Variants in SIL1 observed in about 807,000 individuals in gnomAD.
SIL1 encodes nucleotide exchange factor SIL1.
Under a neutral mutation model 49.1 loss-of-function variants are expected in SIL1, and 40 were observed. The observed-to-expected ratio is 0.81, with a 90% CI of 0.63 to 1.06. SIL1 has a LOEUF of 1.06. Ranked by LOEUF, SIL1 falls within the 50% of genes least tolerant of loss-of-function variation. The probability of loss-of-function intolerance (pLI) is 0.00; values close to 1 mark genes in which losing one functional copy is unlikely to be tolerated. For missense variants in SIL1, 500 were observed against 572.6 expected (o/e 0.87, Z 1.29); for synonymous variants, 253 against 250.8 (o/e 1.01, Z -0.08).
chr5:139,173,071 C>T lies in SIL1; in HGVS notation c.-11+25198G>A, dbSNP rs575694557. On this transcript the variant is annotated intron_variant, in intron 1 of 9. Coordinates refer to ENST00000394817, the MANE Select transcript of SIL1 (RefSeq NM_022464.5). ...ATAGGTTATGTTTTTAGACACACAA[C>T]GTGTAAGATGCAATATCATGACATC... Among the ~76,000 whole-genome samples the T allele has an allele frequency of 5.3e-5, 8 of 152,096 alleles. No individual in the cohort carries two copies. In the East Asian group the frequency reaches 1.5e-3, roughly 29 times the overall value.
chr5:139,041,468 G>A (rs1448493799), intron 5 of SIL1, among the ~76,000 whole-genome samples: 1 of 152,150 alleles, frequency 6.6e-6, no homozygotes, highest in Non-Finnish European at 1.5e-5. Flanking sequence ...TGTCTCTCTA[G>A]GACATTACCT....
At chr5:139,169,531 G>C (rs551709968) in intron 1 of SIL1, among the ~76,000 whole-genome samples, 1 of 150,680 alleles carries the variant, frequency 6.6e-6, no homozygotes, top group Non-Finnish European at 1.5e-5. Context: ...GGCTGGACTG[G>C]AGTGCAATGG....
chr5:139,058,921 G>C (rs1418665688), intron 3 of SIL1, among the ~76,000 whole-genome samples: 2 of 151,640 alleles, frequency 1.3e-5, no homozygotes, highest in Non-Finnish European at 2.9e-5. Flanking sequence ...ATTAATACTA[G>C]GGTGTTGGTA....
In SIL1 at chr5:139,120,728, G is replaced by A. The variant is rs551172962; in HGVS notation, c.244+307C>T. ...GCCCAAAATAGCATTTGCAGAGCAA[G>A]GCACATGTCACTGCCTCTCTGGTGC... On this transcript the variant is annotated intron_variant, in intron 3 of 9. Coordinates refer to ENST00000394817, the MANE Select transcript of SIL1 (RefSeq NM_022464.5). Among the ~76,000 whole-genome samples, 59 of 152,358 alleles carry A rather than the reference G, an allele frequency of 3.9e-4. 2 individuals are homozygous for A. The South Asian group carries it at 0.011, about 29-fold the overall frequency.
chr5:139,056,971 T>C (rs1365888609), intron 3 of SIL1, among the ~76,000 whole-genome samples: 1 of 152,148 alleles, frequency 6.6e-6, no homozygotes, highest in Non-Finnish European at 1.5e-5. Context: ...TGTTCTGTAC[T>C]AAGAAAAATT....
At position 139,137,446 on chromosome 5, in the gene SIL1, C is replaced by T. The variant is rs1012466759; in HGVS notation, c.-10-9593G>A. ...CTCGAGGGGTCTGTGAAATCAGCCA[C>T]AGAAACTGGACTCATCATTTTATTT... On this transcript the variant is annotated intron_variant, in intron 1 of 9. Coordinates refer to ENST00000394817, the MANE Select transcript of SIL1 (RefSeq NM_022464.5). 5 of 655,770 alleles carry T rather than the reference C, an allele frequency of 7.6e-6. No homozygotes were observed. In the African/African-American group the frequency reaches 8.9e-5, roughly 12 times the overall value. The allele number at this position is 655,770 out of a possible 1,614,324, so 40.6% of individuals were successfully genotyped here.
chr5:139,096,399 G>A (rs185596082), intron 3 of SIL1, among the ~76,000 whole-genome samples: 10 of 152,192 alleles, frequency 6.6e-5, no homozygotes, highest in African/African-American at 2.4e-4. Context: ...TCCAAATGCT[G>A]AACTGGAACC....
At chr5:139,145,752 C>T (rs1751184033) in intron 1 of SIL1, among the ~76,000 whole-genome samples, 1 of 149,366 alleles carries the variant, frequency 6.7e-6, no homozygotes, top group Non-Finnish European at 1.5e-5. Context: ...ATGAATGAAA[C>T]CTTAAAACAC....
intron 7 of SIL1, among the ~76,000 whole-genome samples, chr5:138,979,072 T>A (rs1002673660): frequency 6.7e-6 from 1 of 148,568 alleles, no homozygotes; most frequent in African/African-American, 2.6e-5. Context: ...TAATTTTATT[T>A]TATTTTTTTT....
At position 139,176,927 on chromosome 5, in the gene SIL1, CTTTTTTT is replaced by C. The variant is rs70982757; in HGVS notation, c.-11+21335_-11+21341del. Among the ~76,000 whole-genome samples the C allele has an allele frequency of 2.3e-4, 22 of 95,812 alleles. No homozygotes were observed. The East Asian group carries it at 5.4e-3, about 23-fold the overall frequency. 62.9% of individuals were successfully genotyped at this position (95,812 alleles called of 152,430 possible). A position where few individuals can be genotyped will look rare whatever the true frequency, so the allele number is the denominator to read the frequency against. Reference sequence around the variant, plus strand: ...GCTTCCAAGTGGAGAAGCTGAGATTCTTTTTTTTTTTTTTTTTTTTTTTGAGACAGAG... The same window carrying C: ...GCTTCCAAGTGGAGAAGCTGAGATTCTTTTTTTTTTTTTTTTGAGACAGAG... On this transcript the variant is annotated intron_variant, in intron 1 of 9. Transcript: ENST00000394817.
At chr5:139,138,096 A>T in intron 1 of SIL1, among the ~76,000 whole-genome samples, 1 of 151,598 alleles carries the variant, frequency 6.6e-6, no homozygotes, top group Non-Finnish European at 1.5e-5. Context: ...AAGCAAAAGC[A>T]TCCCTGCTCC....
intron 3 of SIL1, among the ~76,000 whole-genome samples, chr5:139,054,954 T>C (rs1456290213): frequency 6.6e-6 from 1 of 152,208 alleles, no homozygotes; most frequent in African/African-American, 2.4e-5. Context: ...GATAGTATAA[T>C]CTGACCTGTA....
At chr5:139,194,708 C>T (rs1429528368) in intron 1 of SIL1, among the ~76,000 whole-genome samples, 1 of 152,152 alleles carries the variant, frequency 6.6e-6, no homozygotes, top group African/African-American at 2.4e-5. Context: ...GGAATAGCGA[C>T]TAAGGGACTA....
chr5:139,057,796 G>A (rs1769488582), intron 3 of SIL1, among the ~76,000 whole-genome samples: 1 of 152,178 alleles, frequency 6.6e-6, no homozygotes, highest in Non-Finnish European at 1.5e-5. Flanking sequence ...CACAATTCTG[G>A]AGACTGGGAA....
chr5:139,164,344 G>A lies in SIL1; in HGVS notation c.-11+33925C>T, dbSNP rs1030864024. 2.6e-5 allele frequency among the ~76,000 whole-genome samples: 4 copies of A among 151,878 alleles called. No individual in the cohort carries two copies. In the South Asian group the frequency reaches 6.2e-4, roughly 24 times the overall value. ...GGAAGAGAAAAAACAGTTCTTTCTG[G>A]TTACTACTCAAAGCTTCTGCCCATT... On this transcript the variant is annotated intron_variant, in intron 1 of 9. Transcript: ENST00000394817.
At chr5:139,116,419 G>A (rs1770990722) in intron 3 of SIL1, among the ~76,000 whole-genome samples, 1 of 152,104 alleles carries the variant, frequency 6.6e-6, no homozygotes, top group Non-Finnish European at 1.5e-5. Context: ...GACTCTCACA[G>A]CCGCCTGGAG....
chr5:139,105,662 G>T (rs1770688136), intron 3 of SIL1, among the ~76,000 whole-genome samples: 1 of 152,210 alleles, frequency 6.6e-6, no homozygotes, highest in South Asian at 2.1e-4. Context: ...TTCCCTCCCG[G>T]CGGCCTGCTC....
intron 6 of SIL1, chr5:139,021,810 T>G (rs1393084962): frequency 9.9e-6 from 2 of 202,366 alleles, no homozygotes; most frequent in Non-Finnish European, 2.0e-5. Context: ...ATAACAATAG[T>G]ACCTTTCTCT....
chr5:139,182,837 G>A (rs1281073510), intron 1 of SIL1, among the ~76,000 whole-genome samples: 1 of 152,174 alleles, frequency 6.6e-6, no homozygotes, highest in East Asian at 1.9e-4. Flanking sequence ...CTGTTACATG[G>A]TTTAAATCTG....
Sources: gnomAD v4.1 joint callset for allele counts (sites outside exome capture counted in the v4.1 genomes callset) on GRCh38, gnomAD v4.1.1 for gene constraint, MANE v1.5 for transcripts, NCBI Gene and HGNC (gene_info 2026-07-23, HGNC 2026-07-21) for gene names.